TSPAN7: variants seen among roughly 807,000 people sequenced by gnomAD.
TSPAN7 encodes the protein tetraspanin-7.
A neutral mutation model predicts 17.6 loss-of-function variants in TSPAN7; 1 was observed. That is an observed-to-expected ratio of 0.06 (90% CI 0.02 to 0.27). The LOEUF is 0.27. Ranked by LOEUF, TSPAN7 falls within the 10% of genes least tolerant of loss-of-function variation. The probability of loss-of-function intolerance (pLI) is 1.00; values close to 1 mark genes in which losing one functional copy is unlikely to be tolerated. For synonymous variants in TSPAN7, 78 were observed against 79.0 expected (o/e 0.99, Z 0.07); for missense variants, 112 against 201.7 (o/e 0.56, Z 2.69).
intron 2 of TSPAN7, among the ~76,000 whole-genome samples, chrX:38,668,940 T>TA (rs1477323418): frequency 9.0e-6 from 1 of 111,042 alleles, no homozygotes; most frequent in East Asian, 2.8e-4. Flanking sequence ...GCATTTATTT[T>TA]TTTTTTTGTC....
At chrX:38,652,895 A>G (rs2069683135) in intron 1 of TSPAN7, among the ~76,000 whole-genome samples, 1 of 112,626 alleles carries the variant, frequency 8.9e-6, no homozygotes, top group Non-Finnish European at 1.9e-5. Context: ...CTTAGGCAGT[A>G]TAAAGAAAAC....
intron 1 of TSPAN7, among the ~76,000 whole-genome samples, chrX:38,567,346 A>G (rs764236287): frequency 6.0e-4 from 68 of 112,661 alleles, no homozygotes; most frequent in South Asian, 1.8e-3. Context: ...TACATCTTAC[A>G]TGGTGGTAGG....
At chrX:38,639,359 A>T (rs1005479924) in intron 1 of TSPAN7, among the ~76,000 whole-genome samples, 17 of 108,265 alleles carry the variant, frequency 1.6e-4, no homozygotes, top group Non-Finnish European at 3.8e-5. Flanking sequence ...TGGAGAGGGG[A>T]TTCCACTGAG....
intron 1 of TSPAN7, among the ~76,000 whole-genome samples, chrX:38,628,164 C>T (rs905202509): frequency 4.5e-5 from 5 of 112,351 alleles, no homozygotes; most frequent in African/African-American, 1.6e-4. Context: ...TTTTTATACC[C>T]CCCTCCACAA....
chrX:38,644,085 A>G (rs926232144), intron 1 of TSPAN7, among the ~76,000 whole-genome samples: 4 of 111,506 alleles, frequency 3.6e-5, no homozygotes, highest in Admixed American at 9.5e-5. Context: ...AATAAAATTA[A>G]CGGGGCCCAA....
At chrX:38,678,405 T>C (rs769677825) in intron 5 of TSPAN7, among the ~76,000 whole-genome samples, 1 of 112,486 alleles carries the variant, frequency 8.9e-6, no homozygotes, top group South Asian at 3.7e-4. Flanking sequence ...GCAAATGAAC[T>C]GTTCTGAGTG....
chrX:38,583,619 A>G (rs1477284114), intron 1 of TSPAN7, among the ~76,000 whole-genome samples: 1 of 112,030 alleles, frequency 8.9e-6, no homozygotes, highest in Non-Finnish European at 1.9e-5. Flanking sequence ...AGAGTTCACG[A>G]GGTGCTGGTG....
chrX:38,688,314 T>C lies in TSPAN7; in HGVS notation c.*383T>C, dbSNP rs1405098715. On this transcript the variant is annotated 3_prime_UTR_variant, in exon 8 of 8. Transcript: ENST00000378482. ...TGGCCCCTTTGGGCCCTGCATGTAG[T>C]GTGGGAGGCTCCTGTTAGCTCCTCA... 2 of 113,554 alleles carry C rather than the reference T, an allele frequency of 1.8e-5. No homozygotes were observed. Among genetic ancestry groups the C allele is most frequent in the Non-Finnish European group, 3.7e-5 (2 of 53,495 alleles). 9.4% of individuals were successfully genotyped at this position (113,554 alleles called of 1,213,427 possible).
At chrX:38,626,619 G>A (rs1455986603) in intron 1 of TSPAN7, among the ~76,000 whole-genome samples, 1 of 111,273 alleles carries the variant, frequency 9.0e-6, no homozygotes, top group Non-Finnish European at 1.9e-5. Context: ...GTTCCAGAGA[G>A]GGCTGGGAAG....
At chrX:38,632,967 G>A (rs2069559022) in intron 1 of TSPAN7, among the ~76,000 whole-genome samples, 2 of 112,332 alleles carry the variant, frequency 1.8e-5, no homozygotes, top group Admixed American at 9.4e-5. Flanking sequence ...GGATCAAGGA[G>A]CATCCAAGCT....
intron 1 of TSPAN7, among the ~76,000 whole-genome samples, chrX:38,581,693 T>G (rs777149196): frequency 1.2e-3 from 131 of 112,259 alleles, no homozygotes; most frequent in African/African-American, 4.2e-3. Flanking sequence ...ATAGATAGTC[T>G]TTTCACTCTG....
At chrX:38,604,153 A>G (rs1429619927) in intron 1 of TSPAN7, among the ~76,000 whole-genome samples, 60 of 102,409 alleles carry the variant, frequency 5.9e-4, no homozygotes, top group African/African-American at 2.0e-3. Flanking sequence ...ATAGTTTACT[A>G]AGAATGATGA....
At chrX:38,663,314 A>G (rs1244165073) in intron 1 of TSPAN7, among the ~76,000 whole-genome samples, 2 of 112,212 alleles carry the variant, frequency 1.8e-5, no homozygotes, top group Admixed American at 9.5e-5. Flanking sequence ...AAAACCAAAC[A>G]TCGTATGTTC....
At chrX:38,589,340 T>A (rs979245278) in intron 1 of TSPAN7, among the ~76,000 whole-genome samples, 1 of 112,105 alleles carries the variant, frequency 8.9e-6, no homozygotes, top group Non-Finnish European at 1.9e-5. Flanking sequence ...ATCCTGAGGT[T>A]CATTTATTTA....
chrX:38,574,143 A>C (rs936089962), intron 1 of TSPAN7, among the ~76,000 whole-genome samples: 10 of 112,648 alleles, frequency 8.9e-5, no homozygotes, highest in Non-Finnish European at 1.9e-4. Flanking sequence ...TAAAACCAAC[A>C]GTAAGTATTT....
chrX:38,585,122 C>T (rs1248916412), intron 1 of TSPAN7, among the ~76,000 whole-genome samples: 1 of 111,480 alleles, frequency 9.0e-6, no homozygotes, highest in Non-Finnish European at 1.9e-5. Flanking sequence ...TTGGGTGGTC[C>T]TCAATTTGCT....
intron 1 of TSPAN7, among the ~76,000 whole-genome samples, chrX:38,649,441 T>C (rs899469042): frequency 3.6e-5 from 4 of 112,619 alleles, no homozygotes; most frequent in African/African-American, 1.3e-4. Flanking sequence ...TTCAAGATAG[T>C]GTCTTCATTT....
intron 1 of TSPAN7, among the ~76,000 whole-genome samples, chrX:38,593,011 G>C (rs997129965): frequency 9.1e-6 from 1 of 109,522 alleles, no homozygotes; most frequent in Non-Finnish European, 1.9e-5. Context: ...CTTTGTTTTT[G>C]AAAGATATTT....
At chrX:38,562,525 C>T (rs1292895555) in intron 1 of TSPAN7, among the ~76,000 whole-genome samples, 2 of 93,049 alleles carry the variant, frequency 2.1e-5, no homozygotes, top group Non-Finnish European at 4.3e-5. Flanking sequence ...TGGTGCACCT[C>T]GCGGAGGGAT....
Sources: allele counts gnomAD v4.1 joint callset (sites outside exome capture counted in the v4.1 genomes callset), GRCh38; gene constraint gnomAD v4.1.1; transcripts MANE v1.5; gene names NCBI Gene and HGNC (gene_info 2026-07-23, HGNC 2026-07-21).